Variants in SULT1C3 observed in about 807,000 individuals in gnomAD.
SULT1C3 encodes the protein sulfotransferase 1C3.
Under a neutral mutation model 28.4 loss-of-function variants are expected in SULT1C3, and 31 were observed. The ratio of observed to expected loss-of-function variants is 1.09; its 90% CI spans 0.82 to 1.47. The LOEUF is 1.47. Among genes scored for constraint, SULT1C3 ranks in the 40% most tolerant of loss-of-function variants. The probability of loss-of-function intolerance (pLI) is 0.00; values close to 1 mark genes in which losing one functional copy is unlikely to be tolerated. For missense variants in SULT1C3, 307 were observed against 272.5 expected (o/e 1.13, Z -0.89); for synonymous variants, 106 against 92.2 (o/e 1.15, Z -0.86).
In SULT1C3 at chr2:108,241,523, C is replaced by T. The variant is rs943017204; in HGVS notation, c.-8+1440C>T. ...GCAAAAGTTTAAAAGCTTGCTTTAA[C>T]TTTTTGGGTGCAGTCCACTTAGTTA... is the stretch of plus-strand genomic sequence containing the variant. On this transcript the variant is annotated intron_variant, in intron 1 of 7. Coordinates refer to ENST00000681802, the MANE Select transcript of SULT1C3 (RefSeq NM_001320878.2). Among the ~76,000 whole-genome samples, 24 of 152,182 alleles carry T rather than the reference C, an allele frequency of 1.6e-4. 1 individual carries two copies. Among genetic ancestry groups the T allele is most frequent in the Admixed American group, 6.5e-5 (1 of 15,270 alleles).
chr2:108,243,404 G>C (rs1000595673), intron 1 of SULT1C3, among the ~76,000 whole-genome samples: 1 of 152,092 alleles, frequency 6.6e-6, no homozygotes, highest in Non-Finnish European at 1.5e-5. Flanking sequence ...GGCCGAGGCA[G>C]GTGGATCACG....
downstream of SULT1C3, among the ~76,000 whole-genome samples, chr2:108,262,876 A>T (rs188059223): frequency 1.4e-3 from 219 of 152,322 alleles, 1 homozygote; most frequent in Non-Finnish European, 2.4e-3. Flanking sequence ...GTAACTGGTT[A>T]CATTCAGAGG....
chr2:108,242,303 A>G (rs1675479201), intron 1 of SULT1C3, among the ~76,000 whole-genome samples: 1 of 152,220 alleles, frequency 6.6e-6, no homozygotes, highest in African/African-American at 2.4e-5. Context: ...CACACAAAAC[A>G]TATATAGCAG....
intron 5 of SULT1C3, among the ~76,000 whole-genome samples, chr2:108,257,406 C>T (rs1275586134): frequency 6.6e-6 from 1 of 151,914 alleles, no homozygotes; most frequent in Admixed American, 6.6e-5. Flanking sequence ...TCTATATGTA[C>T]ATATTACATA....
rs866249718 is a variant in SULT1C3, at chr2:108,240,554, G to C, written c.-8+471G>C. On this transcript the variant is annotated intron_variant, in intron 1 of 7. Coordinates refer to ENST00000681802, the MANE Select transcript of SULT1C3 (RefSeq NM_001320878.2). ...CAAACAAAGAAACCTCCAGATTATGGGTGGGCACCCTACTTACTTTTATTA... is the reference window on the plus strand; with the variant it reads ...CAAACAAAGAAACCTCCAGATTATGCGTGGGCACCCTACTTACTTTTATTA... Among the ~76,000 whole-genome samples the C allele has an allele frequency of 3.9e-5, 6 of 152,198 alleles. 1 individual carries two copies. Among genetic ancestry groups the C allele is most frequent in the Non-Finnish European group, 5.9e-5 (4 of 68,016 alleles).
rs796170324 is a variant in SULT1C3, at chr2:108,252,629, C to T, written c.301+136C>T. The T allele has an allele frequency of 5.8e-6, 6 of 1,028,838 alleles. No homozygotes were observed. The African/African-American group carries it at 9.7e-5, about 17-fold the overall frequency. The allele number at this position is 1,028,838 out of a possible 1,614,324, so 63.7% of individuals were successfully genotyped here. Reference sequence around the variant, plus strand: ...TGAGGTCTATTTGTTCTCAGGCCAACAATCAAACTCTAGATTGGGTCTTCA... The same window carrying T: ...TGAGGTCTATTTGTTCTCAGGCCAATAATCAAACTCTAGATTGGGTCTTCA... On this transcript the variant is annotated intron_variant, in intron 3 of 7. Coordinates refer to ENST00000681802, the MANE Select transcript of SULT1C3 (RefSeq NM_001320878.2).
downstream of SULT1C3, among the ~76,000 whole-genome samples, chr2:108,263,782 T>C (rs1415332527): frequency 6.6e-6 from 1 of 152,244 alleles, no homozygotes; most frequent in Non-Finnish European, 1.5e-5. Flanking sequence ...TGTTTGCAAC[T>C]CAGTTTTATC....
chr2:108,248,532 C>T (rs1205709352), intron 2 of SULT1C3, among the ~76,000 whole-genome samples: 1 of 151,962 alleles, frequency 6.6e-6, no homozygotes. Context: ...GTAAGAGTAC[C>T]AGACAGAAGG....
At chr2:108,261,497 A>T (rs1217766651), downstream of SULT1C3, among the ~76,000 whole-genome samples, 1 of 152,108 alleles carries the variant, frequency 6.6e-6, no homozygotes, top group African/African-American at 2.4e-5. Flanking sequence ...TAGTGCTTCA[A>T]CCATGCACCA....
At chr2:108,242,326 A>G (rs986926542) in intron 1 of SULT1C3, among the ~76,000 whole-genome samples, 4 of 152,206 alleles carry the variant, frequency 2.6e-5, no homozygotes, top group African/African-American at 7.2e-5. Context: ...CAGACAGAAG[A>G]TTCAGCACTT....
At chr2:108,254,770 T>TATGCATATATATGTATATATGTATGC (rs151283696) in intron 4 of SULT1C3, among the ~76,000 whole-genome samples, 8,974 of 150,342 alleles carry the variant, frequency 0.06, 311 homozygotes, top group African/African-American at 0.071. Flanking sequence ...TATATGTATG[T>TATGCATATATATGTATATATGTATGC]ATGCATATAT....
At chr2:108,255,806 T>C in intron 5 of SULT1C3, 108 bp downstream of exon 5, 1 of 1,353,054 alleles carries the variant, frequency 7.4e-7, no homozygotes, top group East Asian at 2.6e-5. Flanking sequence ...ATTGAGGAGG[T>C]CCTATCTTGA....
At chr2:108,257,849 C>T (rs1675915283) in intron 5 of SULT1C3, among the ~76,000 whole-genome samples, 1 of 152,014 alleles carries the variant, frequency 6.6e-6, no homozygotes, top group Non-Finnish European at 1.5e-5. Flanking sequence ...CTAATGTATT[C>T]TTTGGATTTG....
In SULT1C3 at chr2:108,255,700, T is replaced by A; in HGVS notation, c.526+2T>A. ...ATGAGAAATTCATGTCCGGAAAAGG[T>A]GAGTTCAAACTGATCTTTTTGGTAC... On this transcript the variant is annotated splice_donor_variant, in intron 5 of 7. Coordinates refer to ENST00000681802, the MANE Select transcript of SULT1C3 (RefSeq NM_001320878.2). LOFTEE classifies it high-confidence loss of function. The A allele has an allele frequency of 1.2e-6, 2 of 1,609,594 alleles. No individual in the cohort carries two copies. The highest frequency in any genetic ancestry group is 1.7e-6 in the Non-Finnish European group (2 of 1,177,130).
chr2:108,258,086 G>C (rs993136753), intron 5 of SULT1C3, among the ~76,000 whole-genome samples: 5 of 152,054 alleles, frequency 3.3e-5, no homozygotes, highest in African/African-American at 1.2e-4. Flanking sequence ...TTGCAACATA[G>C]CTCACCCTGA....
At chr2:108,259,746 T>C (rs1403468515) in intron 7 of SULT1C3, among the ~76,000 whole-genome samples, 6 of 152,092 alleles carry the variant, frequency 3.9e-5, no homozygotes, top group South Asian at 2.1e-4. Flanking sequence ...AGTGTACAGA[T>C]GAATGAACAT....
chr2:108,263,084 T>C (rs2104395591), downstream of SULT1C3, among the ~76,000 whole-genome samples: 1 of 152,304 alleles, frequency 6.6e-6, no homozygotes, highest in Admixed American at 6.5e-5. Context: ...TTTAAATGGG[T>C]CTCCAGGTAC....
At chr2:108,255,850 T>C in intron 5 of SULT1C3, 152 bp downstream of exon 5, 1 of 984,846 alleles carries the variant, frequency 1.0e-6, no homozygotes, top group Non-Finnish European at 1.4e-6. Context: ...GTAGAAGAGG[T>C]ATTTTTCCAA....
rs1400551065 is a variant in SULT1C3, at chr2:108,247,233, A to G, written c.39A>G (p.Lys13=). ...KIEKNAPTME[K]KPELFNIMEV... Reference sequence around the variant, plus strand: ...AGAAAAACGCTCCCACGATGGAAAAAAAGCCAGAACTGTTTAACATCATGG... The same window carrying G: ...AGAAAAACGCTCCCACGATGGAAAAGAAGCCAGAACTGTTTAACATCATGG... The change falls in exon 2 of 8, where the codon AAA becomes AAG. Residue 13 remains lysine (K), a synonymous_variant. Coordinates refer to ENST00000681802, the MANE Select transcript of SULT1C3 (RefSeq NM_001320878.2). 4 of 1,550,908 alleles carry G rather than the reference A, an allele frequency of 2.6e-6. No individual in the cohort carries two copies. The highest frequency in any genetic ancestry group is 3.5e-6 in the Non-Finnish European group (4 of 1,145,970).
Sources: allele counts gnomAD v4.1 joint callset (sites outside exome capture counted in the v4.1 genomes callset), GRCh38; gene constraint gnomAD v4.1.1; transcripts MANE v1.5; gene names NCBI Gene and HGNC (gene_info 2026-07-23, HGNC 2026-07-21).